CHRNA3: variants seen among roughly 807,000 people sequenced by gnomAD.
CHRNA3 encodes the protein cholinergic receptor nicotinic alpha 3 subunit, also known as neuronal acetylcholine receptor subunit alpha-3.
In CHRNA3, 34 loss-of-function variants were observed where a neutral mutation model predicts 41.9. The observed-to-expected ratio is 0.81, with a 90% CI of 0.62 to 1.08. The LOEUF is 1.08. Among genes scored for constraint, CHRNA3 ranks in the 50% least tolerant of loss-of-function variants. The pLI is 0.00. For synonymous variants in CHRNA3, 281 were observed against 265.2 expected (o/e 1.06, Z -0.58); for missense variants, 542 against 638.3 (o/e 0.85, Z 1.63).
chr15:78,619,172 G>T, intron 1 of CHRNA3: 1 of 540,526 alleles, frequency 1.9e-6, no homozygotes, highest in Non-Finnish European at 3.3e-6. Context: ...GAGTTGGACA[G>T]ATCTGGTGCA....
At chr15:78,606,967 C>G (rs568537897) in intron 4 of CHRNA3, among the ~76,000 whole-genome samples, 7 of 152,258 alleles carry the variant, frequency 4.6e-5, no homozygotes, top group African/African-American at 1.7e-4. Flanking sequence ...ATGGCTCACA[C>G]CTGTAATCCC....
rs568631684 is a variant in CHRNA3 at position 78,596,156 on chromosome 15, AATGGGTAACG to A, written c.*438_*447del. ...AAAGAACGAGAAATGCATGGTAAGA[AATGGGTAACG>A]ATGGGGGATTGCTGAATTAGTATAA... On this transcript the variant is annotated 3_prime_UTR_variant, in exon 6 of 6. Transcript: ENST00000326828. The A allele has an allele frequency of 1.8e-3, 1,814 of 985,692 alleles. 2 individuals are homozygous for A. Among genetic ancestry groups the A allele is most frequent in the Non-Finnish European group, 2.0e-3 (1,628 of 830,144 alleles). The allele number at this position is 985,692 out of a possible 1,614,324, so 61.1% of individuals were successfully genotyped here. A position where few individuals can be genotyped will look rare whatever the true frequency, so the allele number is the denominator to read the frequency against.
intron 3 of CHRNA3, among the ~76,000 whole-genome samples, chr15:78,617,477 G>A (rs1044818037): frequency 2.0e-5 from 3 of 152,124 alleles, no homozygotes; most frequent in Non-Finnish European, 4.4e-5. Flanking sequence ...CCAGGTCCAT[G>A]TGCCTGTTTA....
Position 78,601,684 on chromosome 15 carries a change from C to A in CHRNA3, c.958G>T (p.Val320Phe). ...ACGTTGAGCACGAAGACGGTGATGA[C>A]GATGGACAAGGTTACAAAAATCATG... ...FTMIFVTLSI[V>F]ITVFVLNVHY... Residue 320 changes from valine to phenylalanine, a missense_variant, in exon 5 of 6, where the codon GTC (valine) becomes TTC (phenylalanine). Coordinates refer to ENST00000326828, the MANE Select transcript of CHRNA3 (RefSeq NM_000743.5). 1.2e-6 allele frequency: 2 copies of A among 1,614,044 alleles called. No individual in the cohort carries two copies. The highest frequency in any genetic ancestry group is 1.7e-6 in the Non-Finnish European group (2 of 1,180,024).
At chr15:78,597,834 C>A (rs2053136985) in intron 5 of CHRNA3, among the ~76,000 whole-genome samples, 1 of 152,094 alleles carries the variant, frequency 6.6e-6, no homozygotes, top group Admixed American at 6.6e-5. Flanking sequence ...TACATGCTGC[C>A]TCTTTATTAT....
At chr15:78,617,259 C>CAT in intron 3 of CHRNA3, 126 bp from the exon 4 acceptor site, 1 of 645,260 alleles carries the variant, frequency 1.5e-6, no homozygotes, top group East Asian at 2.7e-5. Flanking sequence ...ACATCCATGC[C>CAT]ATGATCACAT....
chr15:78,600,391 A>T (rs1354151836), intron 5 of CHRNA3, among the ~76,000 whole-genome samples: 5 of 152,110 alleles, frequency 3.3e-5, no homozygotes, highest in Non-Finnish European at 7.4e-5. Flanking sequence ...GGTGGGTACC[A>T]AGCAGGGAGG....
chr15:78,619,246 G>A (rs1038909921), intron 1 of CHRNA3: 1 of 363,416 alleles, frequency 2.8e-6, no homozygotes, highest in African/African-American at 2.0e-5. Flanking sequence ...CTCTGAACCT[G>A]TGTCTTTACC....
Position 78,601,765 on chromosome 15 carries a change from T to A in CHRNA3, c.877A>T (p.Thr293Ser). ...ATGACCAGCGAGGTGGAAGGGATGG[T>A]CTCAGTGATCACCAGGAGAAACACC... ...LTVFLLVITE[T>S]IPSTSLVIPL... Residue 293 changes from threonine to serine, a missense_variant, in exon 5 of 6, where the codon ACC becomes TCC. Transcript: ENST00000326828. The A allele has an allele frequency of 6.2e-7, 1 of 1,614,064 alleles. No homozygotes were observed. Among genetic ancestry groups the A allele is most frequent in the Non-Finnish European group, 8.5e-7 (1 of 1,180,024 alleles).
In CHRNA3 at chr15:78,601,947, G is replaced by T; in HGVS notation, c.695C>A (p.Thr232Lys). ...NCCEEIYPDI[T>K]YSLYIRRLPL... ...CAGGCGCCGGATGTACAGCGAGTAT[G>T]TGATGTCGGGGTAGATCTCCTCGCA... Residue 232 changes from threonine to lysine, a missense_variant, in exon 5 of 6, where the codon ACA becomes AAA. Coordinates refer to ENST00000326828, the MANE Select transcript of CHRNA3 (RefSeq NM_000743.5). 1 of 1,613,650 alleles carries T rather than the reference G, an allele frequency of 6.2e-7. No homozygotes were observed. The highest frequency in any genetic ancestry group is 8.5e-7 in the Non-Finnish European group (1 of 1,179,642).
In CHRNA3 at chr15:78,604,473, G is replaced by C. The variant is rs1255905534; in HGVS notation, c.378-2209C>G. Among the ~76,000 whole-genome samples the C allele has an allele frequency of 3.9e-5, 6 of 152,300 alleles. 1 individual carries two copies. The South Asian group carries it at 1.2e-3, about 32-fold the overall frequency. Reference sequence around the variant, plus strand: ...ATGTGCCCAAAGAACATATACTAGAGGTTAGCTGAGCTTGGCTGATGGCTC... The same window carrying C: ...ATGTGCCCAAAGAACATATACTAGACGTTAGCTGAGCTTGGCTGATGGCTC... On this transcript the variant is annotated intron_variant, in intron 4 of 5. Coordinates refer to ENST00000326828, the MANE Select transcript of CHRNA3 (RefSeq NM_000743.5).
intron 5 of CHRNA3, among the ~76,000 whole-genome samples, chr15:78,597,222 C>G (rs146518774): frequency 6.6e-6 from 1 of 152,144 alleles, no homozygotes; most frequent in African/African-American, 2.4e-5. Context: ...AGTTTGAGAC[C>G]AGCCTGGCCA....
At chr15:78,615,895 C>T (rs1309282113) in intron 4 of CHRNA3, among the ~76,000 whole-genome samples, 1 of 151,356 alleles carries the variant, frequency 6.6e-6, no homozygotes, top group Non-Finnish European at 1.5e-5. Context: ...CACACGCCAC[C>T]ATGCCTGGCT....
In CHRNA3 at chr15:78,618,543, C is replaced by T. The variant is rs557164156; in HGVS notation, c.267+74G>A. On this transcript the variant is annotated intron_variant, in intron 3 of 5. Coordinates refer to ENST00000326828, the MANE Select transcript of CHRNA3 (RefSeq NM_000743.5). Reference sequence around the variant, plus strand: ...AGTAAATGAAGCCTGGTCTTTAGGCCTTTCTTGGTTCACCTAAAGCAAATA... The same window carrying T: ...AGTAAATGAAGCCTGGTCTTTAGGCTTTTCTTGGTTCACCTAAAGCAAATA... 170 of 1,565,848 alleles carry T rather than the reference C, an allele frequency of 1.1e-4. No homozygotes were observed. The African/African-American group carries it at 1.9e-3, about 17-fold the overall frequency.
intron 5 of CHRNA3, among the ~76,000 whole-genome samples, chr15:78,600,366 C>T (rs1171523388): frequency 2.6e-5 from 4 of 152,152 alleles, no homozygotes; most frequent in Admixed American, 1.3e-4. Flanking sequence ...TGAGCCACTG[C>T]GCCTAAGCCA....
intron 5 of CHRNA3, among the ~76,000 whole-genome samples, chr15:78,598,714 T>A (rs913795500): frequency 3.3e-5 from 5 of 152,128 alleles, no homozygotes; most frequent in Non-Finnish European, 7.4e-5. Flanking sequence ...CTAATTTTTG[T>A]ATTTAGTAGA....
intron 4 of CHRNA3, among the ~76,000 whole-genome samples, chr15:78,612,962 TGAAAA>T (rs961773680): frequency 7.2e-5 from 11 of 152,024 alleles, no homozygotes; most frequent in South Asian, 4.2e-4. Context: ...AAAAAACACA[TGAAAA>T]AATGCTCATC....
intron 1 of CHRNA3, 160 bp from the exon 2 acceptor site, chr15:78,619,075 A>C: frequency 2.5e-6 from 2 of 802,752 alleles, no homozygotes; most frequent in Non-Finnish European, 3.8e-6. Context: ...GGGTTACAAA[A>C]TGGGAAACTG....
At chr15:78,615,404 A>T (rs2053445626) in intron 4 of CHRNA3, among the ~76,000 whole-genome samples, 1 of 152,204 alleles carries the variant, frequency 6.6e-6, no homozygotes, top group African/African-American at 2.4e-5. Context: ...GGCCTCCTGC[A>T]TCCACTGCCC....
Sources: gnomAD v4.1 joint callset for allele counts (sites outside exome capture counted in the v4.1 genomes callset) on GRCh38, gnomAD v4.1.1 for gene constraint, MANE v1.5 for transcripts, NCBI Gene and HGNC (gene_info 2026-07-23, HGNC 2026-07-21) for gene names.